The following RADX variants were observed in gnomAD, a reference collection of about 807,000 sequenced individuals.
RADX encodes RPA1 related single stranded DNA binding protein, X-linked, also known as RPA-related protein RADX.
Under a neutral mutation model 61.6 loss-of-function variants are expected in RADX, and 36 were observed. That is an observed-to-expected ratio of 0.58 (90% CI 0.45 to 0.77). The LOEUF (loss-of-function observed/expected upper bound fraction) is 0.77. RADX is among the 30% of genes least tolerant of loss of function. The pLI, the probability that RADX is intolerant of heterozygous loss-of-function variation, is 0.00. For synonymous variants in RADX, 272 were observed against 237.9 expected (o/e 1.14, Z -1.32); for missense variants, 497 against 651.1 (o/e 0.76, Z 2.58).
intron 1 of RADX, among the ~76,000 whole-genome samples, chrX:106,619,681 G>T (rs1454631259): frequency 1.8e-5 from 2 of 111,467 alleles, no homozygotes; most frequent in Non-Finnish European, 3.8e-5. Flanking sequence ...ATTTTTCTAA[G>T]AAATTATCTA....
intron 10 of RADX, among the ~76,000 whole-genome samples, chrX:106,641,967 C>T (rs1418278452): frequency 8.9e-6 from 1 of 111,973 alleles, no homozygotes; most frequent in Non-Finnish European, 1.9e-5. Flanking sequence ...CCCAAACACT[C>T]ATAAAGCAGA....
intron 13 of RADX, 91 bp downstream of exon 13, chrX:106,669,421 C>A: frequency 1.7e-6 from 1 of 587,103 alleles, no homozygotes; most frequent in South Asian, 3.9e-5. Flanking sequence ...ACAGTTTTAG[C>A]CTTAAAATTT....
chrX:106,628,665 A>G (rs1282209395), intron 3 of RADX, among the ~76,000 whole-genome samples: 7 of 101,183 alleles, frequency 6.9e-5, no homozygotes, highest in Admixed American at 2.1e-4. Context: ...TTTTTTTGAT[A>G]CGGAGTCTTG....
rs1049961194 is a variant in RADX, at chrX:106,640,709, C to T, written c.1892C>T (p.Pro631Leu). The change falls in exon 10 of 14, where the codon CCA becomes CTA. Residue 631 changes from proline to leucine, a missense_variant. Pro to Leu is a moderately conservative substitution (Grantham distance 98). Around this residue, in one of 3 missense-constraint regions of RADX, gnomAD observed 267 missense variants for 306.9 expected, o/e 0.87. Coordinates refer to ENST00000372548, the MANE Select transcript of RADX (RefSeq NM_018015.6). Reference sequence around the variant, plus strand: ...AATAAAATAAGAATTCTTCAAGGCCCACACGCTAATCCGTAAGTCATTTGT... The same window carrying T: ...AATAAAATAAGAATTCTTCAAGGCCTACACGCTAATCCGTAAGTCATTTGT... ...LSNKIRILQG[P>L]HANPVAVPQP... The T allele has an allele frequency of 4.2e-6, 5 of 1,177,761 alleles. No individual in the cohort carries two copies. The highest frequency in any genetic ancestry group is 1.8e-5 in the African/African-American group (1 of 56,110).
At chrX:106,645,228 C>A (rs1447747424) in intron 10 of RADX, among the ~76,000 whole-genome samples, 1 of 110,247 alleles carries the variant, frequency 9.1e-6, no homozygotes, top group Admixed American at 9.7e-5. Context: ...CTTCATTGAT[C>A]TTTTGTATTG....
Position 106,611,986 on chromosome X carries a change from A to T in RADX, c.-95A>T. On this transcript the variant is annotated 5_prime_UTR_variant, in exon 1 of 14. Coordinates refer to ENST00000372548, the MANE Select transcript of RADX (RefSeq NM_018015.6). Reference sequence around the variant, plus strand: ...TCTTGCCTGTCAGCAGGGGCAGAGTAGCGATCGTCGCCAAAGCGCGCGGTT... The same window carrying T: ...TCTTGCCTGTCAGCAGGGGCAGAGTTGCGATCGTCGCCAAAGCGCGCGGTT... The T allele has an allele frequency of 1.0e-6, 1 of 957,144 alleles. No individual in the cohort carries two copies. The highest frequency in any genetic ancestry group is 1.4e-6 in the Non-Finnish European group (1 of 692,462). 78.9% of individuals were successfully genotyped at this position (957,144 alleles called of 1,213,427 possible).
At chrX:106,675,962 G>A (rs1212211154) in intron 13 of RADX, among the ~76,000 whole-genome samples, 1 of 111,510 alleles carries the variant, frequency 9.0e-6, no homozygotes, top group Non-Finnish European at 1.9e-5. Flanking sequence ...TACTAGATAA[G>A]CAAATTGAGG....
chrX:106,650,185 G>T (rs947764915), intron 11 of RADX, among the ~76,000 whole-genome samples: 12 of 111,089 alleles, frequency 1.1e-4, no homozygotes, highest in Non-Finnish European at 1.5e-4. Flanking sequence ...TGGGCAATGG[G>T]TAAGAAAAAG....
At chrX:106,646,974 G>A (rs1029365624) in intron 10 of RADX, among the ~76,000 whole-genome samples, 7 of 111,073 alleles carry the variant, frequency 6.3e-5, no homozygotes, top group Non-Finnish European at 1.1e-4. Context: ...TTTATCCTTC[G>A]TGTTACAAAC....
chrX:106,673,728 G>C (rs954316069), intron 13 of RADX, among the ~76,000 whole-genome samples: 1 of 97,125 alleles, frequency 1.0e-5, no homozygotes, highest in Non-Finnish European at 2.0e-5. Context: ...TCTGAGTCCA[G>C]TTCAGCACTA....
chrX:106,667,304 G>A (rs1569429356), intron 12 of RADX, among the ~76,000 whole-genome samples: 1 of 110,582 alleles, frequency 9.0e-6, no homozygotes, highest in African/African-American at 3.3e-5. Flanking sequence ...GAACTCTAGT[G>A]GTTTGTTTGT....
intron 1 of RADX, among the ~76,000 whole-genome samples, chrX:106,621,995 TCACTGCAGCCTGG>T (rs1218748764): frequency 9.4e-6 from 1 of 106,194 alleles, no homozygotes; most frequent in Admixed American, 1.0e-4. Flanking sequence ...TGATCATGGT[TCACTGCAGCCTGG>T]CTGCAGTGAG....
Position 106,671,965 on chromosome X carries a change from G to C in RADX, c.2437+2635G>C, listed in dbSNP as rs1039958304. Among the ~76,000 whole-genome samples, 9 of 111,348 alleles carry C rather than the reference G, an allele frequency of 8.1e-5. No homozygotes were observed. The Admixed American group carries it at 8.6e-4, about 11-fold the overall frequency. ...TGGGATGTTTGTTTTGGTTGTTTAA[G>C]TAATTTTACTCATATGTACTCAAAT... On this transcript the variant is annotated intron_variant, in intron 13 of 13. Coordinates refer to ENST00000372548, the MANE Select transcript of RADX (RefSeq NM_018015.6).
In RADX at chrX:106,652,075, A is replaced by G. The variant is rs1927806365; in HGVS notation, c.1978+3689A>G. On this transcript the variant is annotated intron_variant, in intron 11 of 13. Coordinates refer to ENST00000372548, the MANE Select transcript of RADX (RefSeq NM_018015.6). ...ATAGCTGAGATAATTCTGAATTATC[A>G]ACAATTTCAATAAATGTAAACATAT... Among the ~76,000 whole-genome samples, 2 of 111,032 alleles carry G rather than the reference A, an allele frequency of 1.8e-5. 1 individual carries two copies. Among genetic ancestry groups the G allele is most frequent in the Admixed American group, 1.9e-4 (2 of 10,356 alleles).
chrX:106,667,933 T>A (rs1026284893), intron 12 of RADX, among the ~76,000 whole-genome samples: 16 of 111,686 alleles, frequency 1.4e-4, no homozygotes, highest in Non-Finnish European at 2.1e-4. Context: ...GGATATAAGA[T>A]ACCAGCATGT....
chrX:106,646,008 C>A (rs1927649882), intron 10 of RADX, among the ~76,000 whole-genome samples: 1 of 110,346 alleles, frequency 9.1e-6, no homozygotes, highest in Admixed American at 9.7e-5. Context: ...ATATAGTGAT[C>A]TTCTTTGTCT....
intron 13 of RADX, among the ~76,000 whole-genome samples, chrX:106,674,158 T>TTG (rs370950825): frequency 1.5e-3 from 168 of 109,228 alleles, no homozygotes; most frequent in African/African-American, 2.8e-3. Flanking sequence ...TGAAGGTGTT[T>TTG]TGTGTGTGTG....
At chrX:106,613,952 G>T (rs761815721) in intron 1 of RADX, among the ~76,000 whole-genome samples, 1 of 111,588 alleles carries the variant, frequency 9.0e-6, no homozygotes, top group South Asian at 3.7e-4. Context: ...GTATTTTGTC[G>T]TAATATCTAT....
intron 10 of RADX, among the ~76,000 whole-genome samples, chrX:106,643,006 T>A (rs1927559813): frequency 9.0e-6 from 1 of 111,265 alleles, no homozygotes; most frequent in African/African-American, 3.3e-5. Flanking sequence ...GAAGGGATGT[T>A]GAATTTTATC....
Sources: gnomAD v4.1 joint callset for allele counts (sites outside exome capture counted in the v4.1 genomes callset) on GRCh38, gnomAD v4.1.1 for gene constraint, gnomAD v4.1.1 regional missense constraint, MANE v1.5 for transcripts, NCBI Gene and HGNC (gene_info 2026-07-23, HGNC 2026-07-21) for gene names.